Variants in TTC34 observed in about 807,000 individuals in gnomAD.
TTC34 encodes the protein tetratricopeptide repeat domain 34.
Under a neutral mutation model 40.7 loss-of-function variants are expected in TTC34, and 44 were observed. That is an observed-to-expected ratio of 1.08 (90% CI 0.85 to 1.39). The LOEUF is 1.39. Ranked by LOEUF, TTC34 falls within the 40% of genes most tolerant of loss-of-function variation. The pLI, the probability that TTC34 is intolerant of heterozygous loss-of-function variation, is 0.00. For synonymous variants in TTC34, 422 were observed against 398.6 expected, an observed-to-expected ratio of 1.06 and a Z score of -0.70; for missense variants, 884 against 838.0, an observed-to-expected ratio of 1.05 and a Z score of -0.68.
chr1:2,644,557 C>T (rs1638980894), intron 7 of TTC34, 79 bp from the exon 8 acceptor site: 1 of 1,388,382 alleles, frequency 7.2e-7, no homozygotes, highest in Middle Eastern at 2.0e-4. Context: ...CTGGCCGCTC[C>T]TTCCCTGCCC....
At position 2,786,128 on chromosome 1, in the gene TTC34, A is replaced by G. The variant is rs1236280773; in HGVS notation, c.1855-105T>C. ...TCCCCCACCCCACCCTCACTGCCCC[A>G]GGGTCCACCTGGTGCCAACGCTCCC... is the stretch of plus-strand genomic sequence containing the variant. On this transcript the variant is annotated intron_variant, in intron 4 of 8. Coordinates refer to ENST00000401095, the Ensembl canonical transcript of TTC34. 6.6e-6 allele frequency: 7 copies of G among 1,066,378 alleles called. No individual in the cohort carries two copies. The East Asian group carries it at 2.3e-4, about 35-fold the overall frequency. 66.1% of individuals were successfully genotyped at this position (1,066,378 alleles called of 1,614,324 possible).
At chr1:2,800,237 C>A in exon 2 of TTC34, 1 of 398,536 alleles carries the variant, frequency 2.5e-6, no homozygotes, top group East Asian at 3.6e-5. Context: ...CCTCCGGGTG[C>A]CCCGAGAGGT....
At chr1:2,682,098 C>T (rs1243474393) in intron 6 of TTC34, among the ~76,000 whole-genome samples, 14 of 136,574 alleles carry the variant, frequency 1.0e-4, no homozygotes, top group East Asian at 4.4e-4. Flanking sequence ...CCTGGAGCAG[C>T]ACCCACACCC....
At position 2,750,419 on chromosome 1, in the gene TTC34, G is replaced by A. The variant is rs1219794561; in HGVS notation, c.2226+33190C>T. Among the ~76,000 whole-genome samples, 3 of 45,036 alleles carry A rather than the reference G, an allele frequency of 6.7e-5. 1 individual carries two copies. The highest frequency in any genetic ancestry group is 1.2e-4 in the Non-Finnish European group (3 of 25,710). 29.5% of individuals were successfully genotyped at this position (45,036 alleles called of 152,430 possible). A position where few individuals can be genotyped will look rare whatever the true frequency, so the allele number is the denominator to read the frequency against. Reference sequence around the variant, plus strand: ...AGCACGCACACCCCCAGGTGCGCACGTGACAGCCTGTAACAGCACCCACAC... The same window carrying A: ...AGCACGCACACCCCCAGGTGCGCACATGACAGCCTGTAACAGCACCCACAC... On this transcript the variant is annotated intron_variant, in intron 6 of 8. Coordinates refer to ENST00000401095, the Ensembl canonical transcript of TTC34.
chr1:2,753,354 CAG>C (rs1641391043), intron 6 of TTC34, among the ~76,000 whole-genome samples: 2 of 109,642 alleles, frequency 1.8e-5, no homozygotes, highest in African/African-American at 4.2e-5. Flanking sequence ...GAGCATCTGA[CAG>C]CCTAGAACAG....
chr1:2,640,646 GGGCTCAGGCTCTACTGGAGGCTGGCCCAA>G, exon 9 of TTC34: 1 of 152,104 alleles, frequency 6.6e-6, no homozygotes, highest in Non-Finnish European at 1.5e-5. Context: ...TCTCTGGAGA[GGGCTCAGGCTCTACTGGAGGCTGGCCCAA>G]GGCTCAGGGT....
chr1:2,688,163 C>A (rs1640454038), intron 6 of TTC34, among the ~76,000 whole-genome samples: 2 of 151,996 alleles, frequency 1.3e-5, no homozygotes, highest in African/African-American at 2.4e-5. Flanking sequence ...GAAGGGCACC[C>A]ACACCCCCAG....
chr1:2,780,465 GAA>G, intron 6 of TTC34, among the ~76,000 whole-genome samples: 1 of 152,304 alleles, frequency 6.6e-6, no homozygotes, highest in East Asian at 1.9e-4. Flanking sequence ...GTAGTGTTAG[GAA>G]AGAGTCCAAC....
At chr1:2,684,594 T>G (rs77296131) in intron 6 of TTC34, among the ~76,000 whole-genome samples, 3 of 34,560 alleles carry the variant, frequency 8.7e-5, no homozygotes, top group East Asian at 1.0e-3. Flanking sequence ...GCAACACCCA[T>G]ACCCCCAGGT....
intron 6 of TTC34, among the ~76,000 whole-genome samples, chr1:2,768,556 G>C (rs1378447875): frequency 2.0e-5 from 3 of 151,910 alleles, no homozygotes; most frequent in African/African-American, 7.3e-5. Context: ...GTGAGCATCT[G>C]ATAGCCTGGA....
chr1:2,799,650 G>A (rs1387572967), intron 2 of TTC34, among the ~76,000 whole-genome samples: 1 of 152,116 alleles, frequency 6.6e-6, no homozygotes, highest in Non-Finnish European at 1.5e-5. Context: ...CCCCACAGCT[G>A]CCATCTTCAG....
In TTC34 at chr1:2,645,587, G is replaced by GGGGGGCCCC; in HGVS notation, c.2227-25_2227-24insGGGGCCCCC. On this transcript the variant is annotated intron_variant, in intron 6 of 8. Coordinates refer to ENST00000401095, the Ensembl canonical transcript of TTC34. The surrounding 1 kb of genome is among the most constrained non-coding windows in gnomAD (Gnocchi z 4.7). ...TCCTGCAAGGAGGGAGGGCGGGCGG[G>GGGGGGCCCC]TGCAGAGTTGTCCTAAGTAGAGAAA... 1 of 229,528 alleles carries GGGGGGCCCC rather than the reference G, an allele frequency of 4.4e-6. No homozygotes were observed. The allele number at this position is 229,528 out of a possible 1,614,324, so 14.2% of individuals were successfully genotyped here.
At chr1:2,682,954 C>A in intron 6 of TTC34, among the ~76,000 whole-genome samples, 1 of 152,386 alleles carries the variant, frequency 6.6e-6, no homozygotes, top group Non-Finnish European at 1.5e-5. Context: ...CCCACACCCC[C>A]AGGTGAGCAT....
intron 1 of TTC34, among the ~76,000 whole-genome samples, chr1:2,801,302 C>T (rs945837390): frequency 3.3e-5 from 5 of 151,864 alleles, no homozygotes; most frequent in South Asian, 2.1e-4. Flanking sequence ...CTCAGTGGGA[C>T]GCAGGACCAC....
At chr1:2,685,928 G>T (rs1214855516) in intron 6 of TTC34, among the ~76,000 whole-genome samples, 1 of 145,354 alleles carries the variant, frequency 6.9e-6, no homozygotes, top group Non-Finnish European at 1.5e-5. Flanking sequence ...ACCCCCAGGT[G>T]AGCATGTGAC....
chr1:2,694,086 C>T (rs374875379), intron 6 of TTC34, among the ~76,000 whole-genome samples: 18 of 140,780 alleles, frequency 1.3e-4, no homozygotes, highest in African/African-American at 4.8e-4. Flanking sequence ...GAGCATCTGA[C>T]AGCCTGGAAC....
intron 6 of TTC34, among the ~76,000 whole-genome samples, chr1:2,682,692 TGGAGCA>T (rs1640132760): frequency 7.4e-6 from 1 of 134,866 alleles, no homozygotes; most frequent in Non-Finnish European, 1.7e-5. Flanking sequence ...TCCGACAGCC[TGGAGCA>T]GCACCCACAC....
intron 6 of TTC34, among the ~76,000 whole-genome samples, chr1:2,756,878 C>T (rs1419256562): frequency 0.066 from 8,195 of 124,448 alleles, 1 homozygote; most frequent in Middle Eastern, 0.16. Context: ...TCCAGGTGAG[C>T]ATCTGATGGT....
chr1:2,787,504 C>A lies in TTC34; in HGVS notation c.1831G>T (p.Gly611Cys), dbSNP rs939342161. 1.2e-5 allele frequency: 18 copies of A among 1,502,914 alleles called. No individual in the cohort carries two copies. Among genetic ancestry groups the A allele is most frequent in the Non-Finnish European group, 1.6e-5 (18 of 1,119,728 alleles). 93.1% of individuals were successfully genotyped at this position (1,502,914 alleles called of 1,614,324 possible). ...ACCTGGTTGGCGTCATAGAAGAAGC[C>A]CCTCCTCAGCTGCAGCAGGGCCAGT... Residue 611 changes from glycine (G) to cysteine (C), a missense_variant, in exon 4 of 9, where the codon GGC becomes TGC. Transcript: ENST00000401095.
Sources: allele counts gnomAD v4.1 joint callset (sites outside exome capture counted in the v4.1 genomes callset), GRCh38; gene constraint gnomAD v4.1.1; non-coding constraint Gnocchi (gnomAD v3.1); transcripts MANE v1.5; gene names NCBI Gene and HGNC (gene_info 2026-07-23, HGNC 2026-07-21).